The following STAM variants were observed in gnomAD, a reference collection of about 807,000 sequenced individuals.
The protein encoded by STAM is signal transducing adaptor molecule, also known as signal transducing adapter molecule 1.
STAM carries 16 observed loss-of-function variants against 63.4 expected under a neutral mutation model. The observed-to-expected ratio is 0.25, with a 90% CI of 0.17 to 0.38. STAM has a LOEUF of 0.38. Ranked by LOEUF, STAM falls within the 10% of genes least tolerant of loss-of-function variation. The probability of loss-of-function intolerance (pLI) is 1.00; values close to 1 mark genes in which losing one functional copy is unlikely to be tolerated. For synonymous variants in STAM, 238 were observed against 223.9 expected (o/e 1.06, Z -0.56); for missense variants, 636 against 657.1 (o/e 0.97, Z 0.35).
intron 7 of STAM, 110 bp downstream of exon 7, chr10:17,695,351 G>T (rs1300899395): frequency 9.8e-7 from 1 of 1,021,028 alleles, no homozygotes; most frequent in Non-Finnish European, 1.4e-6. Context: ...TATTGACCCA[G>T]ATGCTGCTCT....
At chr10:17,666,387 A>ATTTTTTTTTTTTTTTTT (rs10673746) in intron 2 of STAM, among the ~76,000 whole-genome samples, 5 of 85,912 alleles carry the variant, frequency 5.8e-5, no homozygotes, top group African/African-American at 2.5e-4. Flanking sequence ...TTGGCTTTGT[A>ATTTTTTTTTTTTTTTTT]TTTTTTTTTT....
intron 1 of STAM, among the ~76,000 whole-genome samples, chr10:17,650,734 T>A (rs933920822): frequency 2.0e-5 from 3 of 152,126 alleles, no homozygotes; most frequent in Non-Finnish European, 4.4e-5. Flanking sequence ...GTGATATTTT[T>A]AAAATGTGAA....
rs1164461461 is a variant in STAM at position 17,715,114 on chromosome 10, T to G, written c.*334T>G. On this transcript the variant is annotated 3_prime_UTR_variant, in exon 14 of 14. Transcript: ENST00000377524. ...TGTGACAAATGTTATGTACATATAT[T>G]GATATGTAACTGCATTAGTGGCCAT... 1.0e-5 allele frequency: 3 copies of G among 300,744 alleles called. No individual in the cohort carries two copies. Among genetic ancestry groups the G allele is most frequent in the Non-Finnish European group, 1.9e-5 (3 of 154,612 alleles). The allele number at this position is 300,744 out of a possible 1,614,324, so 18.6% of individuals were successfully genotyped here.
Position 17,705,602 on chromosome 10 carries a change from T to C in STAM, c.1070T>C (p.Leu357Pro). Residue 357 changes from leucine to proline, a missense_variant, in exon 12 of 14, where the codon CTC becomes CCC. By Grantham distance (98) the Leu-to-Pro change is moderately conservative (BLOSUM62 -3). Coordinates refer to ENST00000377524, the MANE Select transcript of STAM (RefSeq NM_003473.4). Reference sequence around the variant, plus strand: ...TCATGTTTCAGAAAACATTCAGAACTCTCAGAACTTAATGTGAAAGTGATG... The same window carrying C: ...TCATGTTTCAGAAAACATTCAGAACCCTCAGAACTTAATGTGAAAGTGATG... Reference protein sequence around the residue: ...LEDIDRKHSELSELNVKVMEA... With the variant: ...LEDIDRKHSEPSELNVKVMEA... The C allele has an allele frequency of 6.2e-7, 1 of 1,612,528 alleles. No homozygotes were observed. Among genetic ancestry groups the C allele is most frequent in the Non-Finnish European group, 8.5e-7 (1 of 1,179,620 alleles).
chr10:17,705,169 G>T lies in STAM; in HGVS notation c.1055+145G>T, dbSNP rs550695622. Reference sequence around the variant, plus strand: ...TCACATATCTTGTGCTAGATGTGGAGAATTAGACTCATTTGTCCTTTTTTT... The same window carrying T: ...TCACATATCTTGTGCTAGATGTGGATAATTAGACTCATTTGTCCTTTTTTT... On this transcript the variant is annotated intron_variant, in intron 11 of 13. Coordinates refer to ENST00000377524, the MANE Select transcript of STAM (RefSeq NM_003473.4). 1.3e-5 allele frequency: 9 copies of T among 670,696 alleles called. No homozygotes were observed. The South Asian group carries it at 2.0e-4, about 15-fold the overall frequency. 41.5% of individuals were successfully genotyped at this position (670,696 alleles called of 1,614,324 possible).
At chr10:17,650,067 T>C (rs550189177) in intron 1 of STAM, among the ~76,000 whole-genome samples, 2 of 152,360 alleles carry the variant, frequency 1.3e-5, no homozygotes, top group South Asian at 4.1e-4. Flanking sequence ...CCAGTCCACA[T>C]CCTACATACT....
At chr10:17,681,707 C>T (rs1483211045) in intron 2 of STAM, among the ~76,000 whole-genome samples, 1 of 152,180 alleles carries the variant, frequency 6.6e-6, no homozygotes, top group Non-Finnish European at 1.5e-5. Flanking sequence ...GGAGGCATAT[C>T]TGTGTCCAGA....
intron 1 of STAM, among the ~76,000 whole-genome samples, chr10:17,659,115 CT>C (rs147615362): frequency 2.4e-4 from 36 of 148,868 alleles, no homozygotes; most frequent in Admixed American, 4.0e-4. Flanking sequence ...TTTTTAAAAT[CT>C]TTTTTTTTTA....
At chr10:17,688,715 G>A (rs984210399) in intron 5 of STAM, among the ~76,000 whole-genome samples, 9 of 151,912 alleles carry the variant, frequency 5.9e-5, no homozygotes, top group East Asian at 5.8e-4. Flanking sequence ...TGCCCGCCTC[G>A]GCCTCCCAAA....
At chr10:17,682,107 A>G (rs192701181) in intron 2 of STAM, among the ~76,000 whole-genome samples, 10 of 152,318 alleles carry the variant, frequency 6.6e-5, no homozygotes, top group African/African-American at 2.4e-4. Context: ...ATATACCTAT[A>G]TAAGTATCAC....
chr10:17,670,344 G>C (rs1206663757), intron 2 of STAM, among the ~76,000 whole-genome samples: 1 of 152,150 alleles, frequency 6.6e-6, no homozygotes, highest in Admixed American at 6.5e-5. Context: ...AAAGCCCTGA[G>C]ATTTTTAATG....
rs547301077 is a variant in STAM, at chr10:17,713,983, C to T, written c.1386-560C>T. Among the ~76,000 whole-genome samples, 8 of 152,256 alleles carry T rather than the reference C, an allele frequency of 5.3e-5. No individual in the cohort carries two copies. The South Asian group carries it at 8.3e-4, about 16-fold the overall frequency. On this transcript the variant is annotated intron_variant, in intron 13 of 13. Coordinates refer to ENST00000377524, the MANE Select transcript of STAM (RefSeq NM_003473.4). Reference sequence around the variant, plus strand: ...GCACCCCCTGCGGCCCCCTCTGCCGCAGCACTCGTGGCCTGCTGTTCCTTG... The same window carrying T: ...GCACCCCCTGCGGCCCCCTCTGCCGTAGCACTCGTGGCCTGCTGTTCCTTG...
At chr10:17,696,932 G>A (rs1387239594) in intron 8 of STAM, 63 bp downstream of exon 8, 2 of 1,413,034 alleles carry the variant, frequency 1.4e-6, no homozygotes, top group Non-Finnish European at 2.0e-6. Context: ...TGGAAGTTGA[G>A]TAAACTGAAC....
At chr10:17,664,372 T>A (rs1033066821) in intron 2 of STAM, among the ~76,000 whole-genome samples, 52 of 152,260 alleles carry the variant, frequency 3.4e-4, no homozygotes, top group African/African-American at 1.2e-3. Flanking sequence ...TCTCCAGAAC[T>A]TATCCATCAT....
At chr10:17,653,987 C>G (rs1330555117) in intron 1 of STAM, among the ~76,000 whole-genome samples, 5 of 152,072 alleles carry the variant, frequency 3.3e-5, no homozygotes, top group Non-Finnish European at 7.4e-5. Flanking sequence ...GTGGGAACTT[C>G]CAGTTTGTAT....
chr10:17,654,489 T>A (rs1833863414), intron 1 of STAM, among the ~76,000 whole-genome samples: 1 of 152,192 alleles, frequency 6.6e-6, no homozygotes. Flanking sequence ...CCCAAAGTGC[T>A]GGGATTACAG....
intron 2 of STAM, among the ~76,000 whole-genome samples, chr10:17,665,496 G>A (rs1025629286): frequency 4.6e-5 from 7 of 151,802 alleles, no homozygotes; most frequent in Non-Finnish European, 8.8e-5. Flanking sequence ...TAAGAATGTT[G>A]TATATATTCT....
chr10:17,650,959 G>C (rs907417402), intron 1 of STAM, among the ~76,000 whole-genome samples: 3 of 150,366 alleles, frequency 2.0e-5, no homozygotes, highest in Non-Finnish European at 4.4e-5. Context: ...CAGCTACTCA[G>C]GAGGCTGAGG....
intron 6 of STAM, 195 bp from the exon 7 acceptor site, chr10:17,694,854 T>A: frequency 2.2e-6 from 1 of 462,692 alleles, no homozygotes; most frequent in Non-Finnish European, 3.7e-6. Context: ...ATTTTGTTAA[T>A]TTATTTTTAA....
Sources: gnomAD v4.1 joint callset for allele counts (sites outside exome capture counted in the v4.1 genomes callset) on GRCh38, gnomAD v4.1.1 for gene constraint, MANE v1.5 for transcripts, NCBI Gene and HGNC (gene_info 2026-07-23, HGNC 2026-07-21) for gene names.